The following CHL1 variants were observed in gnomAD, a reference collection of about 807,000 sequenced individuals.
CHL1 encodes neural cell adhesion molecule L1-like protein.
Under a neutral mutation model 141.9 loss-of-function variants are expected in CHL1, and 96 were observed. The ratio of observed to expected loss-of-function variants is 0.68; its 90% CI spans 0.57 to 0.80. CHL1 has a LOEUF of 0.80. Among genes scored for constraint, CHL1 ranks in the 30% least tolerant of loss-of-function variants. The pLI is 0.00. For missense variants in CHL1, 1,820 were observed against 1,457.2 expected, an observed-to-expected ratio of 1.25 and a Z score of -4.05; for synonymous variants, 613 against 502.2, an observed-to-expected ratio of 1.22 and a Z score of -2.95.
At chr3:359,011 TATA>T (rs915824185) in intron 11 of CHL1, among the ~76,000 whole-genome samples, 4 of 147,688 alleles carry the variant, frequency 2.7e-5, no homozygotes, top group Admixed American at 6.8e-5. Flanking sequence ...TTATATATAA[TATA>T]ATAATATATA....
chr3:366,470 C>A (rs1219405133), intron 15 of CHL1, among the ~76,000 whole-genome samples: 52 of 134,606 alleles, frequency 3.9e-4, no homozygotes, highest in African/African-American at 1.3e-3. Context: ...GACTCTGTCT[C>A]AAAAAAAAAA....
At chr3:322,408 G>A (rs916755251) in intron 3 of CHL1, among the ~76,000 whole-genome samples, 8 of 151,582 alleles carry the variant, frequency 5.3e-5, no homozygotes, top group African/African-American at 9.7e-5. Flanking sequence ...AATTCTTGGG[G>A]TCCCAGGGAC....
intron 1 of CHL1, among the ~76,000 whole-genome samples, chr3:223,535 T>A (rs1458337444): frequency 1.3e-5 from 2 of 152,326 alleles, no homozygotes; most frequent in East Asian, 3.9e-4. Context: ...TATTTTGGCA[T>A]ATAGACTTGC....
chr3:275,978 A>T (rs995546530), intron 2 of CHL1, among the ~76,000 whole-genome samples: 23 of 152,024 alleles, frequency 1.5e-4, no homozygotes, highest in African/African-American at 4.8e-4. Flanking sequence ...ATATGAAAAA[A>T]CTTAGAACTT....
intron 19 of CHL1, chr3:384,511 G>A (rs1250922734): frequency 6.6e-6 from 1 of 152,040 alleles, no homozygotes; most frequent in Admixed American, 6.6e-5. Context: ...TCGGTTAAAT[G>A]TTATTAAATA....
intron 22 of CHL1, 117 bp from the exon 23 acceptor site, chr3:391,558 A>C: frequency 1.5e-6 from 1 of 688,570 alleles, no homozygotes. Flanking sequence ...TTAGTAGTTA[A>C]TTAATATTTA....
rs150369136 is a variant in CHL1 at position 251,423 on chromosome 3, C to G, written c.-95+6731C>G. Among the ~76,000 whole-genome samples the G allele has an allele frequency of 3.0e-3, 455 of 152,246 alleles. 2 individuals carry two copies. The highest frequency in any genetic ancestry group is 0.011 in the African/African-American group (441 of 41,570). On this transcript the variant is annotated intron_variant, in intron 2 of 27. Coordinates refer to ENST00000256509, the MANE Select transcript of CHL1 (RefSeq NM_006614.4). ...CCTCTCTGAACCTGAGGCTGCTAAT[C>G]CGTAAAGTGGGCTCATAATCCTTAT...
chr3:310,499 G>A (rs1164885694), intron 2 of CHL1, among the ~76,000 whole-genome samples: 1 of 152,182 alleles, frequency 6.6e-6, no homozygotes, highest in Non-Finnish European at 1.5e-5. Flanking sequence ...TTTTGAAGTT[G>A]ATTTTTTGTT....
intron 2 of CHL1, among the ~76,000 whole-genome samples, chr3:251,348 C>T (rs180731853): frequency 6.6e-6 from 1 of 152,078 alleles, no homozygotes; most frequent in East Asian, 1.9e-4. Context: ...ATATGAGTTC[C>T]AGCTTTAACT....
chr3:320,582 G>A (rs1371807034), intron 3 of CHL1, among the ~76,000 whole-genome samples: 2 of 152,014 alleles, frequency 1.3e-5, no homozygotes, highest in Non-Finnish European at 2.9e-5. Context: ...ACCTATTTAG[G>A]AGTCTGAGGC....
At chr3:401,508 G>C in intron 26 of CHL1, 118 bp from the exon 27 acceptor site, 1 of 606,710 alleles carries the variant, frequency 1.6e-6, no homozygotes, top group Non-Finnish European at 2.9e-6. Context: ...TTGCCTCACT[G>C]GTATCAAAAC....
At chr3:280,545 T>G (rs1696546736) in intron 2 of CHL1, among the ~76,000 whole-genome samples, 1 of 152,190 alleles carries the variant, frequency 6.6e-6, no homozygotes, top group African/African-American at 2.4e-5. Context: ...TAAAGCTGAA[T>G]TCAGAACTGC....
chr3:306,490 CT>C (rs1452311809), intron 2 of CHL1, among the ~76,000 whole-genome samples: 1 of 152,110 alleles, frequency 6.6e-6, no homozygotes, highest in Non-Finnish European at 1.5e-5. Context: ...CCAAATCTCT[CT>C]GATTATAGTT....
chr3:400,728 G>A (rs1252958953), intron 26 of CHL1, among the ~76,000 whole-genome samples: 1 of 151,566 alleles, frequency 6.6e-6, no homozygotes, highest in African/African-American at 2.4e-5. Context: ...CTTGAACCTG[G>A]GAGGCAGAGG....
chr3:270,655 T>C (rs142523969), intron 2 of CHL1, among the ~76,000 whole-genome samples: 6,086 of 152,328 alleles, frequency 0.04, 188 homozygotes, highest in South Asian at 0.061. Flanking sequence ...AATAATTTAT[T>C]TTGCTCACGA....
intron 1 of CHL1, among the ~76,000 whole-genome samples, chr3:242,463 GT>G (rs200363350): frequency 0.014 from 2,048 of 147,676 alleles, 37 homozygotes; most frequent in Middle Eastern, 0.021. Flanking sequence ...CGGCGTGGTG[GT>G]GGGCGCCTGT....
intron 2 of CHL1, among the ~76,000 whole-genome samples, chr3:281,262 CT>C (rs1696625927): frequency 6.6e-6 from 1 of 152,146 alleles, no homozygotes; most frequent in African/African-American, 2.4e-5. Flanking sequence ...ATAGTTATTC[CT>C]TCTTCCACTA....
rs139128494 is a variant in CHL1, at chr3:401,739, T to A, written c.3458+41T>A. On this transcript the variant is annotated intron_variant, in intron 27 of 27. Coordinates refer to ENST00000256509, the MANE Select transcript of CHL1 (RefSeq NM_006614.4). The stretch of plus-strand genomic sequence containing the variant: ...TGTTGTAAAATAAAACACATATTCA[T>A]CATGTTGAAAGCTTAAGTGAACAAA... The A allele has an allele frequency of 3.4e-4, 406 of 1,182,034 alleles. 2 individuals are homozygous for A. In the African/African-American group the frequency reaches 4.9e-3, roughly 14 times the overall value. 73.2% of individuals were successfully genotyped at this position (1,182,034 alleles called of 1,614,324 possible). A position where few individuals can be genotyped will look rare whatever the true frequency, so the allele number is the denominator to read the frequency against.
intron 7 of CHL1, among the ~76,000 whole-genome samples, chr3:342,468 A>C (rs536132518): frequency 8.1e-4 from 123 of 152,166 alleles, no homozygotes; most frequent in Non-Finnish European, 1.5e-3. Flanking sequence ...AAAGATGGAA[A>C]TTTGTATCAC....
Sources: allele counts gnomAD v4.1 joint callset (sites outside exome capture counted in the v4.1 genomes callset), GRCh38; gene constraint gnomAD v4.1.1; transcripts MANE v1.5; gene names NCBI Gene and HGNC (gene_info 2026-07-23, HGNC 2026-07-21).